The following CHID1 variants were observed in gnomAD, a reference collection of about 807,000 sequenced individuals.
CHID1 encodes chitinase domain containing 1, also known as chitinase domain-containing protein 1.
Under a neutral mutation model 55.4 loss-of-function variants are expected in CHID1, and 44 were observed. The observed-to-expected ratio is 0.79, with a 90% CI of 0.62 to 1.02. The LOEUF is 1.02. Ranked by LOEUF, CHID1 falls within the 50% of genes least tolerant of loss-of-function variation. CHID1 has a pLI of 0.00. For missense variants in CHID1, 491 were observed against 515.3 expected (o/e 0.95, Z 0.46); for synonymous variants, 216 against 212.9 (o/e 1.01, Z -0.13).
At chr11:901,122 C>T (rs1851779018) in intron 4 of CHID1, 142 bp from the exon 5 acceptor site, 2 of 650,048 alleles carry the variant, frequency 3.1e-6, no homozygotes, top group Non-Finnish European at 2.6e-6. Flanking sequence ...GAACCCACCC[C>T]TCCCTGGCCC....
At chr11:888,658 G>C (rs1479522483) in intron 8 of CHID1, among the ~76,000 whole-genome samples, 1 of 152,250 alleles carries the variant, frequency 6.6e-6, no homozygotes, top group East Asian at 1.9e-4. Flanking sequence ...AGGAAAGAAG[G>C]AAAAGGAGCT....
At chr11:899,234 G>A (rs1407015116) in intron 7 of CHID1, 106 bp downstream of exon 7, 2 of 1,089,442 alleles carry the variant, frequency 1.8e-6, no homozygotes, top group East Asian at 2.6e-5. Context: ...CCAGGCACAG[G>A]GACTGTGGAA....
rs1440318649 is a variant in CHID1, at chr11:875,975, G to A, written c.960-5476C>T. Among the ~76,000 whole-genome samples, 2 of 152,156 alleles carry A rather than the reference G, an allele frequency of 1.3e-5. No homozygotes were observed. Among genetic ancestry groups the A allele is most frequent in the Non-Finnish European group, 2.9e-5 (2 of 68,026 alleles). On this transcript the variant is annotated intron_variant, in intron 10 of 12. Transcript: ENST00000323578. This position sits in a 1 kb window ranked among gnomAD's most constrained non-coding sequence, Gnocchi z 4.7. The stretch of plus-strand genomic sequence containing the variant: ...GTGGCAGGCGCCGCATTGCTTGGCG[G>A]TGCACGTGGTGTGTGGGGGCATGTG...
intron 10 of CHID1, chr11:882,862 C>T (rs1850085725): frequency 8.0e-6 from 3 of 373,106 alleles, no homozygotes; most frequent in Non-Finnish European, 1.5e-5. Context: ...GGCCTGTATG[C>T]TGTGGGGCAA....
chr11:906,147 T>C (rs1157332938), intron 1 of CHID1, among the ~76,000 whole-genome samples: 1 of 151,912 alleles, frequency 6.6e-6, no homozygotes, highest in Non-Finnish European at 1.5e-5. Flanking sequence ...TTGGCCAGGC[T>C]GGTCTCCACC....
chr11:907,479 T>TAA (rs76779017), intron 1 of CHID1, among the ~76,000 whole-genome samples: 2 of 142,366 alleles, frequency 1.4e-5, no homozygotes, highest in Admixed American at 7.0e-5. Flanking sequence ...AGACTGTCTT[T>TAA]AAAAAAAAAA....
At chr11:907,089 G>C (rs545587768) in intron 1 of CHID1, among the ~76,000 whole-genome samples, 5 of 152,140 alleles carry the variant, frequency 3.3e-5, no homozygotes, top group Non-Finnish European at 7.3e-5. Context: ...ACTGGTCATT[G>C]TTTCTTCTCT....
chr11:873,965 T>G (rs1466594548), intron 10 of CHID1, among the ~76,000 whole-genome samples: 1 of 150,454 alleles, frequency 6.6e-6, no homozygotes, highest in Non-Finnish European at 1.5e-5. Flanking sequence ...GGACAGAGGT[T>G]CGACGCGTTT....
At chr11:885,918 C>A (rs1589847118) in intron 8 of CHID1, among the ~76,000 whole-genome samples, 1 of 151,320 alleles carries the variant, frequency 6.6e-6, no homozygotes, top group Non-Finnish European at 1.5e-5. Flanking sequence ...TTTGGGAGGC[C>A]GAGACGGGAG....
Position 869,951 on chromosome 11 carries a change from C to T in CHID1, c.1089G>A (p.Leu363=). ...CCCGGGCCAGCTCCAGCCGCACCTG[C>T]AGGGACTGGGCACAGATGGAGGTGT... is the stretch of plus-strand genomic sequence containing the variant. The part of the protein sequence containing the change: ...HVVFYPTLKS[L]QVRLELAREL... The change falls in exon 13 of 13, where the codon CTG becomes CTA. Residue 363 remains leucine (L), a synonymous_variant. Transcript: ENST00000323578. 4 of 1,612,814 alleles carry T rather than the reference C, an allele frequency of 2.5e-6. No homozygotes were observed. The highest frequency in any genetic ancestry group is 3.4e-6 in the Non-Finnish European group (4 of 1,179,882).
In CHID1 at chr11:907,991, T is replaced by C. The variant is rs534172267; in HGVS notation, c.-44+2784A>G. On this transcript the variant is annotated intron_variant, in intron 1 of 12. Transcript: ENST00000323578. ...ACGCTGCCCCACTTTGCCCTGTCTC[T>C]TCCCTGGGTGAGACTGGTGCTCCTG... 6.6e-5 allele frequency among the ~76,000 whole-genome samples: 10 copies of C among 152,328 alleles called. No homozygotes were observed. The South Asian group carries it at 2.1e-3, about 32-fold the overall frequency.
intron 10 of CHID1, 167 bp from the exon 11 acceptor site, chr11:870,666 G>A (rs1164392372): frequency 1.2e-5 from 7 of 601,908 alleles, no homozygotes; most frequent in Admixed American, 5.8e-5. Flanking sequence ...GCCCCAGGCC[G>A]TGTGAACCCT....
chr11:899,236 A>T (rs940299002), intron 7 of CHID1, 104 bp downstream of exon 7: 8 of 1,094,628 alleles, frequency 7.3e-6, no homozygotes, highest in Non-Finnish European at 1.1e-5. Flanking sequence ...AGGCACAGGG[A>T]CTGTGGAAGG....
intron 10 of CHID1, among the ~76,000 whole-genome samples, chr11:876,847 C>T (rs1849554127): frequency 6.6e-6 from 1 of 152,222 alleles, no homozygotes; most frequent in Admixed American, 6.5e-5. Context: ...ACAGACAGGG[C>T]AAGAGCTACT....
chr11:914,434 A>G (rs1242396663), upstream of CHID1: 7 of 940,322 alleles, frequency 7.4e-6, no homozygotes, highest in South Asian at 6.9e-5. Flanking sequence ...AGAGTAGGGC[A>G]GGGGCAGGCC....
rs111231520 is a variant in CHID1, at chr11:868,411, A to G, written c.*1447T>C. On this transcript the variant is annotated 3_prime_UTR_variant, in exon 13 of 13. Transcript: ENST00000323578. ...GCCACCATGTCTTGCTAATTTTTCTATTTTTAGGGGGTAGAGACGGGGTTT... is the reference window on the plus strand; with the variant it reads ...GCCACCATGTCTTGCTAATTTTTCTGTTTTTAGGGGGTAGAGACGGGGTTT... 14 of 151,948 alleles carry G rather than the reference A, an allele frequency of 9.2e-5. No homozygotes were observed. The highest frequency in any genetic ancestry group is 2.6e-4 in the Admixed American group (4 of 15,240). 9.4% of individuals were successfully genotyped at this position (151,948 alleles called of 1,614,324 possible).
At chr11:892,263 A>G (rs1471624869) in intron 8 of CHID1, among the ~76,000 whole-genome samples, 1 of 152,212 alleles carries the variant, frequency 6.6e-6, no homozygotes, top group Non-Finnish European at 1.5e-5. Flanking sequence ...AGGCACAGCC[A>G]GGCCCCTGCC....
At chr11:883,710 TG>T in intron 9 of CHID1, among the ~76,000 whole-genome samples, 1 of 152,354 alleles carries the variant, frequency 6.6e-6, no homozygotes, top group South Asian at 2.1e-4. Flanking sequence ...CAAGGCCTTC[TG>T]GGCATCCTTC....
chr11:906,935 G>C (rs928090007), intron 1 of CHID1, among the ~76,000 whole-genome samples: 4 of 152,192 alleles, frequency 2.6e-5, no homozygotes, highest in Non-Finnish European at 5.9e-5. Flanking sequence ...CGCTGAGACA[G>C]GAGAATCACT....
Sources: allele counts gnomAD v4.1 joint callset (sites outside exome capture counted in the v4.1 genomes callset), GRCh38; gene constraint gnomAD v4.1.1; non-coding constraint Gnocchi (gnomAD v3.1); transcripts MANE v1.5; gene names NCBI Gene and HGNC (gene_info 2026-07-23, HGNC 2026-07-21).